PID1: variants seen among roughly 807,000 people sequenced by gnomAD.
PID1 encodes PTB-containing, cubilin and LRP1-interacting protein.
Under a neutral mutation model 19.1 loss-of-function variants are expected in PID1, and 10 were observed. The observed-to-expected ratio is 0.52, with a 90% CI of 0.32 to 0.89. PID1 has a LOEUF of 0.89. PID1 is among the 40% of genes least tolerant of loss of function. The pLI is 0.03. For synonymous variants in PID1, 130 were observed against 116.0 expected (o/e 1.12, Z -0.78); for missense variants, 248 against 285.3 (o/e 0.87, Z 0.94).
chr2:229,102,370 A>G (rs576007096), intron 2 of PID1, among the ~76,000 whole-genome samples: 9 of 152,226 alleles, frequency 5.9e-5, no homozygotes, highest in Non-Finnish European at 1.2e-4. Context: ...GTTTGTGGTC[A>G]TTTATTACAG....
chr2:229,079,805 C>T (rs865806841), intron 2 of PID1, among the ~76,000 whole-genome samples: 2 of 152,146 alleles, frequency 1.3e-5, no homozygotes, highest in Non-Finnish European at 1.5e-5. Context: ...TGAATCTATC[C>T]AGTAATTATT....
At chr2:229,239,551 A>G (rs1001310925) in intron 1 of PID1, among the ~76,000 whole-genome samples, 1 of 152,112 alleles carries the variant, frequency 6.6e-6, no homozygotes, top group African/African-American at 2.4e-5. Context: ...AATATGTTAG[A>G]CATCTAGGGG....
At chr2:229,209,017 A>G (rs1159992555) in intron 1 of PID1, among the ~76,000 whole-genome samples, 1 of 152,180 alleles carries the variant, frequency 6.6e-6, no homozygotes, top group Non-Finnish European at 1.5e-5. Context: ...CTCCCTTTGA[A>G]GGTAGAGTTG....
At chr2:229,077,576 G>A (rs961477781) in intron 2 of PID1, among the ~76,000 whole-genome samples, 1 of 152,170 alleles carries the variant, frequency 6.6e-6, no homozygotes, top group Admixed American at 6.5e-5. Context: ...GTGTAAGGAA[G>A]GGGTCCAGTT....
chr2:229,269,053 TA>T (rs1419719665), intron 1 of PID1, among the ~76,000 whole-genome samples: 1 of 152,226 alleles, frequency 6.6e-6, no homozygotes, highest in Non-Finnish European at 1.5e-5. Flanking sequence ...CTCACTTCTC[TA>T]ATCTCAAGGC....
At chr2:229,048,738 T>G (rs1024653548) in intron 2 of PID1, among the ~76,000 whole-genome samples, 4 of 152,198 alleles carry the variant, frequency 2.6e-5, no homozygotes, top group Non-Finnish European at 5.9e-5. Flanking sequence ...AAAATTTTAC[T>G]TTGTGCCTTG....
intron 1 of PID1, among the ~76,000 whole-genome samples, chr2:229,252,488 C>G (rs1690180435): frequency 6.6e-6 from 1 of 152,118 alleles, no homozygotes; most frequent in South Asian, 2.1e-4. Flanking sequence ...CATGGGCCAG[C>G]TCCTGTTCAG....
At chr2:229,259,792 G>T (rs572024502) in intron 1 of PID1, among the ~76,000 whole-genome samples, 4 of 152,254 alleles carry the variant, frequency 2.6e-5, no homozygotes, top group East Asian at 1.9e-4. Flanking sequence ...CCTTTGGGGA[G>T]GTCATAGGAG....
At chr2:229,171,774 C>T (rs999513656) in intron 1 of PID1, among the ~76,000 whole-genome samples, 11 of 152,142 alleles carry the variant, frequency 7.2e-5, no homozygotes, top group African/African-American at 2.7e-4. Flanking sequence ...TCAAACTAAA[C>T]ACATGCCTAA....
intron 1 of PID1, among the ~76,000 whole-genome samples, chr2:229,165,876 T>TA (rs11404584): frequency 0.45 from 68,379 of 151,730 alleles, 16,900 homozygotes; most frequent in Admixed American, 0.61. Flanking sequence ...TTAGATAACC[T>TA]AAAAAAAAGC....
intron 2 of PID1, among the ~76,000 whole-genome samples, chr2:229,070,018 C>A (rs1694420567): frequency 6.6e-6 from 1 of 152,118 alleles, no homozygotes; most frequent in Non-Finnish European, 1.5e-5. Context: ...TTATTGGTCG[C>A]CTGCTAGGAG....
chr2:229,042,601 T>C (rs777902346), intron 2 of PID1, among the ~76,000 whole-genome samples: 1 of 151,812 alleles, frequency 6.6e-6, no homozygotes, highest in Non-Finnish European at 1.5e-5. Context: ...AGGAGGAGAG[T>C]GTATCCAGGG....
Position 229,103,908 on chromosome 2 carries a change from C to T in PID1, c.177+51910G>A, listed in dbSNP as rs545377467. ...GGATTTCACAAACCCAGGAATTCTCCAAGATTGGTGATTCTGCCAGCCGTC... is the reference window on the plus strand; with the variant it reads ...GGATTTCACAAACCCAGGAATTCTCTAAGATTGGTGATTCTGCCAGCCGTC... On this transcript the variant is annotated intron_variant, in intron 2 of 2. Coordinates refer to ENST00000392055, the MANE Select transcript of PID1 (RefSeq NM_001100818.2). 8.5e-5 allele frequency among the ~76,000 whole-genome samples: 13 copies of T among 152,258 alleles called. No individual in the cohort carries two copies. The South Asian group carries it at 1.0e-3, about 12-fold the overall frequency.
intron 1 of PID1, among the ~76,000 whole-genome samples, chr2:229,243,678 G>T (rs1689931892): frequency 6.6e-6 from 1 of 152,070 alleles, no homozygotes; most frequent in Admixed American, 6.6e-5. Context: ...AAACAAGAAT[G>T]AAACAAAGTA....
At chr2:229,260,960 A>G (rs1187228544) in intron 1 of PID1, among the ~76,000 whole-genome samples, 2 of 151,942 alleles carry the variant, frequency 1.3e-5, no homozygotes, top group Non-Finnish European at 2.9e-5. Context: ...CCTAACCCGT[A>G]GTACCTCGAC....
At chr2:229,226,977 A>G (rs1473775334) in intron 1 of PID1, among the ~76,000 whole-genome samples, 1 of 152,240 alleles carries the variant, frequency 6.6e-6, no homozygotes, top group African/African-American at 2.4e-5. Flanking sequence ...ATAAAAGAGC[A>G]ATCTCCATGC....
chr2:229,193,818 C>T (rs142490311), intron 1 of PID1, among the ~76,000 whole-genome samples: 8 of 150,792 alleles, frequency 5.3e-5, no homozygotes, highest in East Asian at 3.9e-4. Context: ...GTAATTTATC[C>T]GGAAAGAAAA....
At chr2:229,180,728 T>C (rs988477562) in intron 1 of PID1, among the ~76,000 whole-genome samples, 1 of 152,246 alleles carries the variant, frequency 6.6e-6, no homozygotes, top group Non-Finnish European at 1.5e-5. Flanking sequence ...TAACGGCTGA[T>C]TGACACTCAG....
At chr2:229,106,946 G>C (rs1286815308) in intron 2 of PID1, among the ~76,000 whole-genome samples, 1 of 152,204 alleles carries the variant, frequency 6.6e-6, no homozygotes, top group East Asian at 1.9e-4. Context: ...AGATGTAACT[G>C]AGTTAAGGAT....
Sources: gnomAD v4.1 joint callset for allele counts (sites outside exome capture counted in the v4.1 genomes callset) on GRCh38, gnomAD v4.1.1 for gene constraint, MANE v1.5 for transcripts, NCBI Gene and HGNC (gene_info 2026-07-23, HGNC 2026-07-21) for gene names.